Variants in MAPK10 observed in about 807,000 individuals in gnomAD.
MAPK10 encodes JNK3 alpha protein kinase.
A neutral mutation model predicts 59.3 loss-of-function variants in MAPK10; 25 were observed. The observed-to-expected ratio is 0.42, with a 90% CI of 0.31 to 0.59. The LOEUF (loss-of-function observed/expected upper bound fraction) is 0.59, where lower values mean the gene tolerates loss of function less well. MAPK10 is among the 20% of genes least tolerant of loss of function. MAPK10 has a pLI of 0.15. For synonymous variants in MAPK10, 190 were observed against 200.5 expected, an observed-to-expected ratio of 0.95 and a Z score of 0.44; for missense variants, 351 against 568.9, an observed-to-expected ratio of 0.62 and a Z score of 3.90.
chr4:86,354,176 A>G (rs949700466), intron 2 of MAPK10, among the ~76,000 whole-genome samples: 20 of 152,186 alleles, frequency 1.3e-4, no homozygotes, highest in African/African-American at 4.1e-4. Context: ...ACTAAAGGAG[A>G]TGAATCTGTA....
intron 2 of MAPK10, among the ~76,000 whole-genome samples, chr4:86,323,167 G>A (rs1578241262): frequency 6.6e-6 from 1 of 152,150 alleles, no homozygotes; most frequent in African/African-American, 2.4e-5. Flanking sequence ...GGGTGGCAGA[G>A]GGAGCCTCCG....
intron 9 of MAPK10, among the ~76,000 whole-genome samples, chr4:86,094,628 T>G (rs138087109): frequency 2.0e-5 from 3 of 152,002 alleles, no homozygotes; most frequent in African/African-American, 7.2e-5. Context: ...ACTGGGACTA[T>G]AGGAGTCTTT....
At chr4:86,328,636 T>C (rs1008230824) in intron 2 of MAPK10, among the ~76,000 whole-genome samples, 22 of 151,898 alleles carry the variant, frequency 1.4e-4, no homozygotes, top group African/African-American at 5.3e-4. Flanking sequence ...ACAAAGAAAA[T>C]GTGGCACATA....
intron 2 of MAPK10, among the ~76,000 whole-genome samples, chr4:86,222,857 T>A (rs945235771): frequency 6.6e-6 from 1 of 152,228 alleles, no homozygotes; most frequent in African/African-American, 2.4e-5. Context: ...ATCATGCTGA[T>A]GACATCTTCC....
At chr4:86,240,107 C>G (rs2092611312) in intron 2 of MAPK10, among the ~76,000 whole-genome samples, 1 of 152,146 alleles carries the variant, frequency 6.6e-6, no homozygotes, top group Non-Finnish European at 1.5e-5. Context: ...TATTATTTAT[C>G]CAGGAGTCAT....
chr4:86,486,504 A>G (rs938025434), intron 1 of MAPK10, among the ~76,000 whole-genome samples: 7 of 152,240 alleles, frequency 4.6e-5, no homozygotes, highest in Non-Finnish European at 8.8e-5. Flanking sequence ...TCATTGAGAT[A>G]TGGGTATAGC....
At chr4:86,107,428 C>T in intron 4 of MAPK10, 76 bp from the exon 5 acceptor site, 10 of 1,535,670 alleles carry the variant, frequency 6.5e-6, no homozygotes, top group Non-Finnish European at 8.7e-6. Flanking sequence ...ATTAAGGATA[C>T]TGGTAAAGAA....
intron 1 of MAPK10, among the ~76,000 whole-genome samples, chr4:86,523,632 C>T (rs913088923): frequency 1.8e-4 from 28 of 152,256 alleles, no homozygotes; most frequent in African/African-American, 5.8e-4. Flanking sequence ...TTGGCTCTTC[C>T]GTTTCTTGAT....
intron 1 of MAPK10, among the ~76,000 whole-genome samples, chr4:86,564,927 A>C (rs1190668026): frequency 2.0e-5 from 3 of 152,188 alleles, no homozygotes; most frequent in Non-Finnish European, 4.4e-5. Context: ...AGGGCCTCCC[A>C]CACTGGAAAC....
intron 4 of MAPK10, chr4:86,120,538 A>T (rs942160695): frequency 3.3e-5 from 5 of 152,250 alleles, no homozygotes; most frequent in African/African-American, 1.2e-4. Flanking sequence ...GGAAATCAGG[A>T]TGGTGACATT....
intron 1 of MAPK10, among the ~76,000 whole-genome samples, chr4:86,583,124 A>G (rs1762417603): frequency 1.3e-5 from 2 of 152,140 alleles, no homozygotes; most frequent in Admixed American, 6.5e-5. Flanking sequence ...CAGTACCTAA[A>G]GTACCTAAGT....
intron 4 of MAPK10, 148 bp downstream of exon 4, chr4:86,159,150 T>C: frequency 3.7e-6 from 2 of 538,014 alleles, no homozygotes; most frequent in Non-Finnish European, 6.2e-6. Context: ...ATAATGCTCA[T>C]AATGTTATTT....
At chr4:86,359,259 T>C (rs906271057) in intron 1 of MAPK10, among the ~76,000 whole-genome samples, 3 of 134,032 alleles carry the variant, frequency 2.2e-5, no homozygotes, top group African/African-American at 8.4e-5. Context: ...GGTGTTTTTT[T>C]TTTCCTCTCT....
chr4:86,283,613 A>G (rs951985786), intron 2 of MAPK10, among the ~76,000 whole-genome samples: 2 of 152,174 alleles, frequency 1.3e-5, no homozygotes, highest in African/African-American at 2.4e-5. Flanking sequence ...GCATTTGGGT[A>G]AAGTGCTGAG....
At chr4:86,097,228 G>A (rs1355269670) in intron 9 of MAPK10, among the ~76,000 whole-genome samples, 1 of 151,876 alleles carries the variant, frequency 6.6e-6, no homozygotes, top group Non-Finnish European at 1.5e-5. Context: ...ATAACCACAT[G>A]TGGCTAGTGG....
chr4:86,024,656 T>C (rs925308334), intron 13 of MAPK10: 1 of 152,238 alleles, frequency 6.6e-6, no homozygotes, highest in African/African-American at 2.4e-5. Flanking sequence ...TTATGTGTAC[T>C]CTTCTAGATA....
chr4:86,243,959 A>G (rs1176635124), intron 2 of MAPK10, among the ~76,000 whole-genome samples: 7 of 152,196 alleles, frequency 4.6e-5, no homozygotes, highest in African/African-American at 1.4e-4. Context: ...ACTAGTCAAA[A>G]CCATTACAAA....
At chr4:86,463,634 T>C (rs1337882259) in intron 1 of MAPK10, among the ~76,000 whole-genome samples, 1 of 152,212 alleles carries the variant, frequency 6.6e-6, no homozygotes, top group Non-Finnish European at 1.5e-5. Context: ...ATTACCATTG[T>C]GCCACACAAA....
chr4:86,534,784 T>C (rs1265628128), intron 1 of MAPK10, among the ~76,000 whole-genome samples: 3 of 152,156 alleles, frequency 2.0e-5, no homozygotes, highest in Middle Eastern at 3.4e-3. Flanking sequence ...CACACACCTG[T>C]AATCCCAGCT....
Sources: gnomAD v4.1 joint callset for allele counts (sites outside exome capture counted in the v4.1 genomes callset) on GRCh38, gnomAD v4.1.1 for gene constraint, MANE v1.5 for transcripts, NCBI Gene and HGNC (gene_info 2026-07-23, HGNC 2026-07-21) for gene names.